Variants in PXDNL observed in about 807,000 individuals in gnomAD.
The protein encoded by PXDNL is probable oxidoreductase PXDNL.
PXDNL carries 145 observed loss-of-function variants against 150.8 expected under a neutral mutation model. That is an observed-to-expected ratio of 0.96 (90% CI 0.84 to 1.10). The LOEUF is 1.10. PXDNL is among the 50% of genes least tolerant of loss of function. The probability of loss-of-function intolerance (pLI) is 0.00; values close to 1 mark genes in which losing one functional copy is unlikely to be tolerated. For missense variants in PXDNL, 2,087 were observed against 1,873.9 expected (o/e 1.11, Z -2.10); for synonymous variants, 757 against 725.7 (o/e 1.04, Z -0.69).
At chr8:51,548,944 C>T (rs1347956825) in intron 4 of PXDNL, among the ~76,000 whole-genome samples, 2 of 152,096 alleles carry the variant, frequency 1.3e-5, no homozygotes, top group Admixed American at 6.6e-5. Flanking sequence ...CCACCTAACA[C>T]ATAAGGACTC....
At chr8:51,463,188 C>G (rs1387791894) in intron 8 of PXDNL, among the ~76,000 whole-genome samples, 2 of 152,108 alleles carry the variant, frequency 1.3e-5, no homozygotes, top group Admixed American at 1.3e-4. Context: ...TATTTAAGTA[C>G]ATACCCCATA....
At chr8:51,441,410 C>T (rs560743455) in intron 12 of PXDNL, among the ~76,000 whole-genome samples, 4 of 152,070 alleles carry the variant, frequency 2.6e-5, no homozygotes, top group Non-Finnish European at 5.9e-5. Context: ...CACACAGAAG[C>T]GGAGACTAGC....
intron 19 of PXDNL, among the ~76,000 whole-genome samples, chr8:51,361,340 G>C (rs1331648623): frequency 6.6e-6 from 1 of 152,132 alleles, no homozygotes; most frequent in African/African-American, 2.4e-5. Context: ...ATAAATTTCA[G>C]CTTTTGCAAA....
At chr8:51,770,596 C>T (rs942054577) in intron 1 of PXDNL, among the ~76,000 whole-genome samples, 3 of 152,192 alleles carry the variant, frequency 2.0e-5, no homozygotes, top group African/African-American at 7.2e-5. Flanking sequence ...CCTCCTGTCT[C>T]TTGATCAGAA....
chr8:51,699,817 A>G (rs1008758243), intron 1 of PXDNL, among the ~76,000 whole-genome samples: 1 of 152,212 alleles, frequency 6.6e-6, no homozygotes, highest in Non-Finnish European at 1.5e-5. Flanking sequence ...AGGGAAACAA[A>G]TTAGGTAACA....
intron 1 of PXDNL, among the ~76,000 whole-genome samples, chr8:51,751,142 G>A (rs1178799253): frequency 6.6e-6 from 1 of 152,068 alleles, no homozygotes; most frequent in Admixed American, 6.6e-5. Context: ...AAAATTGGAA[G>A]ACTTCATCAT....
chr8:51,502,752 G>A (rs1258363883), intron 4 of PXDNL, among the ~76,000 whole-genome samples: 2 of 151,820 alleles, frequency 1.3e-5, no homozygotes, highest in African/African-American at 4.8e-5. Flanking sequence ...TTTTTAAGTA[G>A]CACTAGTATT....
rs540799361 is a variant in PXDNL at position 51,714,763 on chromosome 8, A to G, written c.165-60003T>C. Reference sequence around the variant, plus strand: ...GTAAAACAAATCTCCTGAATGGACAAATGAAATACCTTTCCATTCAGACAC... The same window carrying G: ...GTAAAACAAATCTCCTGAATGGACAGATGAAATACCTTTCCATTCAGACAC... On this transcript the variant is annotated intron_variant, in intron 1 of 22. Transcript: ENST00000356297. 9.2e-5 allele frequency among the ~76,000 whole-genome samples: 14 copies of G among 152,364 alleles called. No individual in the cohort carries two copies. The South Asian group carries it at 2.9e-3, about 32-fold the overall frequency.
chr8:51,481,883 G>T (rs543405873), intron 6 of PXDNL, among the ~76,000 whole-genome samples: 9 of 152,240 alleles, frequency 5.9e-5, no homozygotes, highest in Admixed American at 2.6e-4. Context: ...TGTCCAGGCA[G>T]AAGTTTGCTG....
chr8:51,670,023 G>A (rs1011422212), intron 1 of PXDNL, among the ~76,000 whole-genome samples: 4 of 152,136 alleles, frequency 2.6e-5, no homozygotes, highest in African/African-American at 9.7e-5. Context: ...GATCACTTGA[G>A]GTCAAGAGTT....
At chr8:51,417,056 T>C (rs1032353164) in intron 14 of PXDNL, among the ~76,000 whole-genome samples, 10 of 152,210 alleles carry the variant, frequency 6.6e-5, no homozygotes, top group African/African-American at 2.4e-4. Flanking sequence ...AACAGCACTG[T>C]GTTATGTAAG....
At chr8:51,636,672 A>T (rs1814609169) in intron 2 of PXDNL, among the ~76,000 whole-genome samples, 1 of 152,248 alleles carries the variant, frequency 6.6e-6, no homozygotes, top group Admixed American at 6.5e-5. Flanking sequence ...ACATTGCTAA[A>T]AGAATAAGGA....
At chr8:51,683,034 G>A (rs1386075133) in intron 1 of PXDNL, among the ~76,000 whole-genome samples, 1 of 151,276 alleles carries the variant, frequency 6.6e-6, no homozygotes, top group African/African-American at 2.4e-5. Flanking sequence ...GGATCATATG[G>A]TAGTTATATT....
At chr8:51,496,206 A>T (rs1811043962) in intron 5 of PXDNL, among the ~76,000 whole-genome samples, 1 of 152,214 alleles carries the variant, frequency 6.6e-6, no homozygotes, top group African/African-American at 2.4e-5. Flanking sequence ...TAGATGCAGA[A>T]AAGGCCTTTG....
chr8:51,422,371 T>C (rs1808978751), intron 14 of PXDNL, among the ~76,000 whole-genome samples: 2 of 152,044 alleles, frequency 1.3e-5, no homozygotes, highest in South Asian at 4.1e-4. Flanking sequence ...GCCAAAAAGG[T>C]TGGGGACCAC....
At chr8:51,477,185 C>T (rs1810498673) in intron 6 of PXDNL, among the ~76,000 whole-genome samples, 2 of 151,776 alleles carry the variant, frequency 1.3e-5, no homozygotes, top group African/African-American at 4.8e-5. Context: ...TTGTAGATAC[C>T]CAATTCATAA....
chr8:51,618,591 C>T (rs1563485376), intron 2 of PXDNL, among the ~76,000 whole-genome samples: 1 of 152,192 alleles, frequency 6.6e-6, no homozygotes, highest in Non-Finnish European at 1.5e-5. Flanking sequence ...CAATAAAAGT[C>T]AGTGCCTGGG....
At chr8:51,743,244 G>A (rs1229301340) in intron 1 of PXDNL, among the ~76,000 whole-genome samples, 1 of 151,954 alleles carries the variant, frequency 6.6e-6, no homozygotes, top group African/African-American at 2.4e-5. Flanking sequence ...TTGAGACAGG[G>A]TCTCACTCTG....
At chr8:51,794,689 C>T in intron 1 of PXDNL, among the ~76,000 whole-genome samples, 1 of 152,142 alleles carries the variant, frequency 6.6e-6, no homozygotes, top group African/African-American at 2.4e-5. Context: ...AAAACTGTTA[C>T]CAGCCACTGC....
Sources: gnomAD v4.1 joint callset for allele counts (sites outside exome capture counted in the v4.1 genomes callset) on GRCh38, gnomAD v4.1.1 for gene constraint, MANE v1.5 for transcripts, NCBI Gene and HGNC (gene_info 2026-07-23, HGNC 2026-07-21) for gene names.